Variants in PPEF2 observed in about 807,000 individuals in gnomAD.
PPEF2 encodes protein phosphatase with EF-hand domain 2.
PPEF2 carries 84 observed loss-of-function variants against 84.7 expected under a neutral mutation model. The observed-to-expected ratio is 0.99, with a 90% CI of 0.83 to 1.19. The LOEUF (loss-of-function observed/expected upper bound fraction) is 1.19, where lower values mean the gene tolerates loss of function less well. Among genes scored for constraint, PPEF2 ranks in the 50% most tolerant of loss-of-function variants. The pLI is 0.00. For missense variants in PPEF2, 924 were observed against 937.5 expected, an observed-to-expected ratio of 0.99 and a Z score of 0.19; for synonymous variants, 346 against 345.2, an observed-to-expected ratio of 1.00 and a Z score of -0.03.
Position 75,860,601 on chromosome 4 carries a change from A to G in PPEF2, c.*66T>C. 1 of 1,576,982 alleles carries G rather than the reference A, an allele frequency of 6.3e-7. No individual in the cohort carries two copies. The highest frequency in any genetic ancestry group is 8.7e-7 in the Non-Finnish European group (1 of 1,154,062). On this transcript the variant is annotated 3_prime_UTR_variant, in exon 17 of 17. Coordinates refer to ENST00000286719, the MANE Select transcript of PPEF2 (RefSeq NM_006239.3). ...TAAAGTTTCACATGGAGAATAAGGG[A>G]GATAGTCTAGTGAGAAGCTGAGCAT... is the stretch of plus-strand genomic sequence containing the variant.
Position 75,891,854 on chromosome 4 carries a change from G to T in PPEF2, c.180C>A (p.Val60=), listed in dbSNP as rs1724893626. 1.2e-6 allele frequency: 2 copies of T among 1,611,756 alleles called. No individual in the cohort carries two copies. The highest frequency in any genetic ancestry group is 1.7e-6 in the Non-Finnish European group (2 of 1,178,076). The change falls in exon 3 of 17, where the codon GTC becomes GTA. Residue 60 remains valine (V), a synonymous_variant. Transcript: ENST00000286719. ...TCCGTCCCACATCTCATTGTACCTT[G>T]ACTTGGTCTTGCTGCCCAGCATATT... ...SIEYAGQQDQ[V]KLHDFFSYLM... is the part of the protein sequence containing the mutation.
chr4:75,899,457 G>A (rs1015351323), intron 1 of PPEF2, among the ~76,000 whole-genome samples: 1 of 152,058 alleles, frequency 6.6e-6, no homozygotes, highest in Non-Finnish European at 1.5e-5. Context: ...TCTTCTTCAG[G>A]AGGTAATGTG....
chr4:75,897,439 A>G lies in PPEF2; in HGVS notation c.-58-1056T>C, dbSNP rs1267990696. Reference sequence around the variant, plus strand: ...GATGATCCCTAAACTTCAGCCCCACATATTCAGCTCCCTGCTAAACACTTT... The same window carrying G: ...GATGATCCCTAAACTTCAGCCCCACGTATTCAGCTCCCTGCTAAACACTTT... On this transcript the variant is annotated intron_variant, in intron 1 of 16. Coordinates refer to ENST00000286719, the MANE Select transcript of PPEF2 (RefSeq NM_006239.3). 3.3e-5 allele frequency among the ~76,000 whole-genome samples: 5 copies of G among 152,144 alleles called. No homozygotes were observed. The East Asian group carries it at 5.8e-4, about 18-fold the overall frequency.
Position 75,860,511 on chromosome 4 carries a change from A to C in PPEF2, c.*156T>G, listed in dbSNP as rs1334965605. The C allele has an allele frequency of 1.0e-6, 1 of 970,912 alleles. No individual in the cohort carries two copies. Among genetic ancestry groups the C allele is most frequent in the South Asian group, 1.7e-5 (1 of 58,392 alleles). The allele number at this position is 970,912 out of a possible 1,614,324, so 60.1% of individuals were successfully genotyped here. On this transcript the variant is annotated 3_prime_UTR_variant, in exon 17 of 17. Transcript: ENST00000286719. ...AAACACATACATACACAACACCCCA[A>C]CCCACCCCTCCACACTGAAATACAC...
chr4:75,896,123 T>C, intron 2 of PPEF2, 148 bp downstream of exon 2: 1 of 812,798 alleles, frequency 1.2e-6, no homozygotes. Context: ...GGTGGGCATG[T>C]CACAAGGAGG....
chr4:75,873,348 C>T, intron 11 of PPEF2, 36 bp from the exon 12 acceptor site: 1 of 1,543,548 alleles, frequency 6.5e-7, no homozygotes, highest in Non-Finnish European at 8.8e-7. Context: ...TTCCCAAAAA[C>T]TAGATACATA....
In PPEF2 at chr4:75,866,214, A is replaced by G. The variant is rs1724126664; in HGVS notation, c.1895T>C (p.Leu632Ser). ...MLEYKSWLKN[L>S]AKEQLSRENI... The stretch of plus-strand genomic sequence containing the variant: ...CTCGCGACTCAGTTGTTCCTTGGCC[A>G]AGTTCTTCAGCCAAGACTTGTACTC... The change falls in exon 15 of 17, where the codon TTG becomes TCG. Residue 632 changes from leucine (L) to serine (S), a missense_variant. Physicochemically the swap from Leu to Ser is moderately radical, Grantham distance 145. Coordinates refer to ENST00000286719, the MANE Select transcript of PPEF2 (RefSeq NM_006239.3). 1.2e-6 allele frequency: 2 copies of G among 1,613,694 alleles called. No homozygotes were observed. The highest frequency in any genetic ancestry group is 2.7e-5 in the African/African-American group (2 of 75,044).
Position 75,872,109 on chromosome 4 carries a change from T to C in PPEF2, c.1565A>G (p.Tyr522Cys), listed in dbSNP as rs376120897. The change falls in exon 13 of 17, where the codon TAT (tyrosine) becomes TGT (cysteine). Residue 522 changes from tyrosine (Y) to cysteine (C), a missense_variant. Physicochemically the swap from Tyr to Cys is radical, Grantham distance 194. Coordinates refer to ENST00000286719, the MANE Select transcript of PPEF2 (RefSeq NM_006239.3). Reference sequence around the variant, plus strand: ...GGTCAGGGCTGGCCCCAGTTTGACATAGGCCCCTCTGTTGCTGCCAACTTC... The same window carrying C: ...GGTCAGGGCTGGCCCCAGTTTGACACAGGCCCCTCTGTTGCTGCCAACTTC... ...YYEVGSNRGA[Y>C]VKLGPALTPH... is the part of the protein sequence containing the mutation. 3.1e-6 allele frequency: 5 copies of C among 1,613,802 alleles called. No individual in the cohort carries two copies. The highest frequency in any genetic ancestry group is 2.2e-5 in the East Asian group (1 of 44,884).
In PPEF2 at chr4:75,888,339, G is replaced by A; in HGVS notation, c.418-11C>T. 2 of 1,577,220 alleles carry A rather than the reference G, an allele frequency of 1.3e-6. No individual in the cohort carries two copies. Among genetic ancestry groups the A allele is most frequent in the Non-Finnish European group, 1.7e-6 (2 of 1,146,566 alleles). On this transcript the variant is annotated splice_polypyrimidine_tract_variant and intron_variant, in intron 5 of 16. Coordinates refer to ENST00000286719, the MANE Select transcript of PPEF2 (RefSeq NM_006239.3). ...GCGAGCATGGAGCTGCTACTGGGAG[G>A]AAGAGGAGGGAAGGAAGAAAACAAC...
chr4:75,871,928 G>T, intron 13 of PPEF2, 97 bp downstream of exon 13: 2 of 1,322,476 alleles, frequency 1.5e-6, no homozygotes, highest in Non-Finnish European at 2.1e-6. Context: ...GAATTCTCAC[G>T]TAGAATTTGA....
chr4:75,863,383 C>T (rs578150554), intron 16 of PPEF2, among the ~76,000 whole-genome samples: 1 of 151,238 alleles, frequency 6.6e-6, no homozygotes, highest in Admixed American at 6.6e-5. Flanking sequence ...GCCTGTAGTC[C>T]TAGCTACTCA....
In PPEF2 at chr4:75,876,403, G is replaced by A. The variant is rs997482982; in HGVS notation, c.1204C>T (p.Arg402Trp). 3 of 1,614,038 alleles carry A rather than the reference G, an allele frequency of 1.9e-6. No homozygotes were observed. The highest frequency in any genetic ancestry group is 1.7e-6 in the Non-Finnish European group (2 of 1,180,044). The stretch of plus-strand genomic sequence containing the variant: ...GTCACCAGGAGGCCTGCTTGCTGCC[G>A]GCACCGCTCTAGCTCCAGTTCCACG... ...SSVELELERCRQQAGLLVTGE... is the reference protein window; with the variant it reads ...SSVELELERCWQQAGLLVTGE... The change falls in exon 11 of 17, where the codon CGG becomes TGG. Residue 402 changes from arginine (R) to tryptophan (W), a missense_variant. Physicochemically the swap from Arg to Trp is moderately radical, Grantham distance 101 (BLOSUM62 -3). Coordinates refer to ENST00000286719, the MANE Select transcript of PPEF2 (RefSeq NM_006239.3).
At chr4:75,861,043 T>G (rs1577998128) in intron 16 of PPEF2, 123 bp from the exon 17 acceptor site, 1 of 1,186,460 alleles carries the variant, frequency 8.4e-7, no homozygotes, top group East Asian at 2.4e-5. Flanking sequence ...AATCCTAGTA[T>G]CTAATTTAAA....
Position 75,860,645 on chromosome 4 carries a change from G to T in PPEF2, c.*22C>A. On this transcript the variant is annotated 3_prime_UTR_variant, in exon 17 of 17. Coordinates refer to ENST00000286719, the MANE Select transcript of PPEF2 (RefSeq NM_006239.3). ...TGAGCATTGCCTATGAGGCACTTTG[G>T]GTGATGAAGACCAGGCTGTTCTTAG... 2 of 1,611,886 alleles carry T rather than the reference G, an allele frequency of 1.2e-6. No homozygotes were observed. Among genetic ancestry groups the T allele is most frequent in the Non-Finnish European group, 8.5e-7 (1 of 1,178,734 alleles).
In PPEF2 at chr4:75,883,245, A is replaced by T. The variant is rs201050532; in HGVS notation, c.747-43T>A. 3 of 1,563,864 alleles carry T rather than the reference A, an allele frequency of 1.9e-6. No individual in the cohort carries two copies. The East Asian group carries it at 6.7e-5, about 35-fold the overall frequency. On this transcript the variant is annotated intron_variant, in intron 8 of 16. Transcript: ENST00000286719. ...AATAGATATTAGAGTAAACTGGGTG[A>T]CAATAATCAGGGCATAATCACATTT...
chr4:75,865,019 C>G lies in PPEF2; in HGVS notation c.1921-492G>C, dbSNP rs1019901136. On this transcript the variant is annotated intron_variant, in intron 15 of 16. Transcript: ENST00000286719. ...TGGCCCAATCTCAGCTCACTGCAAC[C>G]TCCGCCTCCCGGGTTCAAGCGATTC... Among the ~76,000 whole-genome samples, 18 of 152,078 alleles carry G rather than the reference C, an allele frequency of 1.2e-4. 1 individual carries two copies. The highest frequency in any genetic ancestry group is 1.0e-3 in the Admixed American group (16 of 15,270).
intron 15 of PPEF2, among the ~76,000 whole-genome samples, chr4:75,864,765 T>C (rs968843387): frequency 6.6e-6 from 1 of 152,162 alleles, no homozygotes; most frequent in Admixed American, 6.5e-5. Context: ...ATACAGGTTG[T>C]GTATGCCTTG....
intron 4 of PPEF2, 114 bp from the exon 5 acceptor site, chr4:75,890,246 G>A (rs552580744): frequency 1.7e-4 from 202 of 1,184,350 alleles, no homozygotes; most frequent in Non-Finnish European, 2.1e-4. Context: ...AGAAATTTGC[G>A]GGGCCAAGGA....
chr4:75,883,709 T>C (rs1039738420), intron 8 of PPEF2, among the ~76,000 whole-genome samples: 3 of 148,388 alleles, frequency 2.0e-5, no homozygotes, highest in South Asian at 4.2e-4. Flanking sequence ...TCCCAGCTAC[T>C]GAGGATGCTG....
Sources: gnomAD v4.1 joint callset for allele counts (sites outside exome capture counted in the v4.1 genomes callset) on GRCh38, gnomAD v4.1.1 for gene constraint, MANE v1.5 for transcripts, NCBI Gene and HGNC (gene_info 2026-07-23, HGNC 2026-07-21) for gene names.